CIMIP5: variants seen among roughly 807,000 people sequenced by gnomAD.
CIMIP5 encodes uncharacterized protein C2orf50.
chr2:11,151,229 C>G, the CIMIP5 span, among the ~76,000 whole-genome samples: 16 of 152,186 alleles, frequency 1.1e-4, no homozygotes, highest in Non-Finnish European at 4.4e-5. Flanking sequence ...TCAGGTCTCC[C>G]TAAAATGCAC....
the CIMIP5 span, among the ~76,000 whole-genome samples, chr2:11,135,349 G>T: frequency 6.6e-6 from 1 of 152,146 alleles, no homozygotes; most frequent in East Asian, 1.9e-4. Flanking sequence ...TTCTCCACAC[G>T]CTGGCCAACA....
the CIMIP5 span, among the ~76,000 whole-genome samples, chr2:11,150,842 T>A: frequency 3.3e-5 from 5 of 151,020 alleles, no homozygotes; most frequent in Admixed American, 2.6e-4. Context: ...GGCCTCAAGA[T>A]CTTTACCCTA....
At chr2:11,150,542 G>T in the CIMIP5 span, among the ~76,000 whole-genome samples, 1 of 151,318 alleles carries the variant, frequency 6.6e-6, no homozygotes, top group Non-Finnish European at 1.5e-5. Context: ...ACATTGGCCA[G>T]GCTGGTCTTG....
At chr2:11,133,235 G>T in the CIMIP5 span, 1 of 1,402,372 alleles carries the variant, frequency 7.1e-7, no homozygotes, top group Non-Finnish European at 9.4e-7. Context: ...GGGGTTAGGA[G>T]GGACAGAGTG....
the CIMIP5 span, among the ~76,000 whole-genome samples, chr2:11,138,292 C>G: frequency 6.6e-6 from 1 of 152,138 alleles, no homozygotes; most frequent in African/African-American, 2.4e-5. Flanking sequence ...TGTAATTTCT[C>G]TATTAGCTCT....
the CIMIP5 span, among the ~76,000 whole-genome samples, chr2:11,134,116 A>G: frequency 6.6e-6 from 1 of 152,172 alleles, no homozygotes; most frequent in Non-Finnish European, 1.5e-5. Context: ...GACCAGCGGT[A>G]AGAAGGAAAC....
At chr2:11,135,219 C>T in the CIMIP5 span, among the ~76,000 whole-genome samples, 6 of 152,274 alleles carry the variant, frequency 3.9e-5, 1 homozygote, top group East Asian at 3.8e-4. Context: ...CAAACCATAT[C>T]GGAGGGATTG....
the CIMIP5 span, among the ~76,000 whole-genome samples, chr2:11,153,963 A>G: frequency 6.6e-6 from 1 of 152,008 alleles, no homozygotes; most frequent in Non-Finnish European, 1.5e-5. Flanking sequence ...TCTTCTTCAA[A>G]AAATTTATAT....
chr2:11,143,770 C>A, the CIMIP5 span: 7 of 574,302 alleles, frequency 1.2e-5, no homozygotes, highest in Middle Eastern at 8.4e-4. Context: ...GGCATCGGGT[C>A]ACTCTTGGGG....
chr2:11,148,402 C>T, the CIMIP5 span, among the ~76,000 whole-genome samples: 1 of 152,104 alleles, frequency 6.6e-6, no homozygotes, highest in Non-Finnish European at 1.5e-5. Flanking sequence ...CAGGCATGAG[C>T]CACTGCGCCC....
chr2:11,148,599 C>T, the CIMIP5 span, among the ~76,000 whole-genome samples: 12 of 150,510 alleles, frequency 8.0e-5, no homozygotes, highest in African/African-American at 2.3e-4. Context: ...AATAGGCCAC[C>T]CTGACCACGC....
chr2:11,140,086 C>CAAAAAAAAAAA, the CIMIP5 span, among the ~76,000 whole-genome samples: 12 of 84,774 alleles, frequency 1.4e-4, no homozygotes, highest in African/African-American at 2.7e-4. Context: ...GACTCCCTCT[C>CAAAAAAAAAAA]AAAAAAAAAA....
the CIMIP5 span, among the ~76,000 whole-genome samples, chr2:11,137,822 G>GC: frequency 6.6e-6 from 1 of 152,178 alleles, no homozygotes; most frequent in African/African-American, 2.4e-5. Context: ...CTGAGGAGGT[G>GC]TCTAAGAAAG....
the CIMIP5 span, among the ~76,000 whole-genome samples, chr2:11,153,011 C>T: frequency 6.6e-6 from 1 of 152,190 alleles, no homozygotes; most frequent in African/African-American, 2.4e-5. Context: ...ACCTTCTGAG[C>T]GGGATGGTTC....
chr2:11,144,942 G>C, the CIMIP5 span: 2 of 151,760 alleles, frequency 1.3e-5, no homozygotes, highest in African/African-American at 4.8e-5. Flanking sequence ...AGCCTCCCAA[G>C]TAGCTAGGGA....
chr2:11,151,635 G>A, the CIMIP5 span, among the ~76,000 whole-genome samples: 87 of 152,326 alleles, frequency 5.7e-4, no homozygotes, highest in African/African-American at 1.9e-3. Context: ...TTTTTGGTTT[G>A]GTTTGGTTTG....
the CIMIP5 span, among the ~76,000 whole-genome samples, chr2:11,140,086 CA>C: frequency 0.01 from 854 of 84,734 alleles, 10 homozygotes; most frequent in African/African-American, 0.041. Context: ...GACTCCCTCT[CA>C]AAAAAAAAAA....
At chr2:11,137,418 A>G in the CIMIP5 span, among the ~76,000 whole-genome samples, 4 of 152,182 alleles carry the variant, frequency 2.6e-5, no homozygotes, top group Non-Finnish European at 4.4e-5. Flanking sequence ...ATAAAAATAT[A>G]TAAAGTTGAA....
chr2:11,135,667 GT>G, the CIMIP5 span, among the ~76,000 whole-genome samples: 106,727 of 141,880 alleles, frequency 0.75, 42,971 homozygotes, highest in East Asian at 0.94. Context: ...GGTTTTTTTG[GT>G]TTTTTTTTTT....
Sources: allele counts gnomAD v4.1 joint callset (sites outside exome capture counted in the v4.1 genomes callset), GRCh38; gene constraint gnomAD v4.1.1; transcripts MANE v1.5; gene names NCBI Gene and HGNC (gene_info 2026-07-23, HGNC 2026-07-21).